Variants in WDR25 observed in about 807,000 individuals in gnomAD.
WDR25 encodes the protein WD repeat domain 25.
WDR25 carries 35 observed loss-of-function variants against 47.7 expected under a neutral mutation model. The ratio of observed to expected loss-of-function variants is 0.73; its 90% CI spans 0.56 to 0.97. WDR25 has a LOEUF of 0.97. Among genes scored for constraint, WDR25 ranks in the 50% least tolerant of loss-of-function variants. The pLI is 0.00. For missense variants in WDR25, 634 were observed against 704.7 expected, an observed-to-expected ratio of 0.90 and a Z score of 1.14; for synonymous variants, 248 against 278.9, an observed-to-expected ratio of 0.89 and a Z score of 1.10.
At position 100,448,515 on chromosome 14, in the gene WDR25, A is replaced by T. The variant is rs538005849; in HGVS notation, c.823-19506A>T. Reference sequence around the variant, plus strand: ...GGGCCTGCTAACTTGCTTGTCCTGTAACCTTGGGCAACTTCCTTCCTACTG... The same window carrying T: ...GGGCCTGCTAACTTGCTTGTCCTGTTACCTTGGGCAACTTCCTTCCTACTG... On this transcript the variant is annotated intron_variant, in intron 2 of 6. Transcript: ENST00000402312. Among the ~76,000 whole-genome samples the T allele has an allele frequency of 2.5e-4, 38 of 152,190 alleles. No individual in the cohort carries two copies. In the South Asian group the frequency reaches 5.8e-3, roughly 23 times the overall value.
rs146744962 is a variant in WDR25 at position 100,500,760 on chromosome 14, G to T, written c.1101+16636G>T. Among the ~76,000 whole-genome samples the T allele has an allele frequency of 6.6e-6, 1 of 152,302 alleles. No individual in the cohort carries two copies. The highest frequency in any genetic ancestry group is 2.4e-5 in the African/African-American group (1 of 41,574). ...GCTGCAGGTGGTACTGCGAGGCAGG[G>T]GCCTGGGCTTTTCAGAGTTGGGCTG... On this transcript the variant is annotated intron_variant, in intron 4 of 6. Coordinates refer to ENST00000402312, the MANE Select transcript of WDR25 (RefSeq NM_001161476.3). This position sits in a 1 kb window ranked among gnomAD's most constrained non-coding sequence, Gnocchi z 4.7.
intron 4 of WDR25, among the ~76,000 whole-genome samples, chr14:100,518,174 A>G (rs919611395): frequency 6.6e-6 from 1 of 152,200 alleles, no homozygotes; most frequent in African/African-American, 2.4e-5. Context: ...AGGTCTGTTC[A>G]TGACAAATTC....
At position 100,382,169 on chromosome 14, in the gene WDR25, C is replaced by T. The variant is rs1026679990; in HGVS notation, c.822+423C>T. On this transcript the variant is annotated intron_variant, in intron 2 of 6. Coordinates refer to ENST00000402312, the MANE Select transcript of WDR25 (RefSeq NM_001161476.3). ...TGGGAGAGGTAGGTAGACCCAGCCC[C>T]TGGTGTCAGGGCTTGCACAGTGAGG... 7.1e-6 allele frequency: 5 copies of T among 702,828 alleles called. No individual in the cohort carries two copies. In the East Asian group the frequency reaches 1.1e-4, roughly 15 times the overall value. 43.5% of individuals were successfully genotyped at this position (702,828 alleles called of 1,614,324 possible). A position where few individuals can be genotyped will look rare whatever the true frequency, so the allele number is the denominator to read the frequency against.
intron 4 of WDR25, among the ~76,000 whole-genome samples, chr14:100,521,999 G>A (rs943224329): frequency 6.6e-5 from 10 of 152,136 alleles, no homozygotes; most frequent in African/African-American, 1.9e-4. Context: ...ATTTAAATTT[G>A]CATTGCTTTT....
At chr14:100,464,309 G>C (rs1200699965) in intron 2 of WDR25, among the ~76,000 whole-genome samples, 1 of 152,058 alleles carries the variant, frequency 6.6e-6, no homozygotes, top group Non-Finnish European at 1.5e-5. Context: ...GTCCTCCCTG[G>C]CCACCATTTC....
At chr14:100,431,808 C>T (rs1204850229) in intron 2 of WDR25, among the ~76,000 whole-genome samples, 2 of 152,090 alleles carry the variant, frequency 1.3e-5, no homozygotes, top group South Asian at 4.1e-4. Flanking sequence ...CTCCCAAGTT[C>T]AAGTGATTCT....
intron 1 of WDR25, 173 bp downstream of exon 1, chr14:100,376,668 C>T (rs1365972894): frequency 8.1e-7 from 1 of 1,231,538 alleles, no homozygotes; most frequent in Non-Finnish European, 1.0e-6. Context: ...ATTGACAGCT[C>T]AGCTAACTCC....
At chr14:100,398,575 G>C (rs983877796) in intron 2 of WDR25, among the ~76,000 whole-genome samples, 6 of 151,802 alleles carry the variant, frequency 4.0e-5, no homozygotes, top group African/African-American at 1.5e-4. Flanking sequence ...TCTTCGAATG[G>C]TAACATCTTG....
intron 5 of WDR25, among the ~76,000 whole-genome samples, chr14:100,528,829 G>T (rs1194337047): frequency 6.6e-6 from 1 of 152,206 alleles, no homozygotes; most frequent in Non-Finnish European, 1.5e-5. Context: ...AAGAAGTGCG[G>T]CTCCGCCAAC....
chr14:100,518,909 G>A (rs1285353071), intron 4 of WDR25, among the ~76,000 whole-genome samples: 1 of 150,846 alleles, frequency 6.6e-6, no homozygotes, highest in African/African-American at 2.4e-5. Context: ...AAAAAAAAAA[G>A]GACTCTGTTG....
intron 2 of WDR25, among the ~76,000 whole-genome samples, chr14:100,394,136 G>A (rs1350101540): frequency 2.0e-5 from 3 of 152,228 alleles, no homozygotes; most frequent in Non-Finnish European, 2.9e-5. Context: ...CTCCTAAGCC[G>A]TGTTCCTAAG....
intron 2 of WDR25, among the ~76,000 whole-genome samples, chr14:100,421,842 A>G (rs955718810): frequency 1.3e-5 from 2 of 152,218 alleles, no homozygotes; most frequent in African/African-American, 4.8e-5. Context: ...AACAGTCAAC[A>G]TTATGTTTTC....
chr14:100,376,567 G>C (rs1177696518), intron 1 of WDR25, 72 bp downstream of exon 1: 39 of 1,231,752 alleles, frequency 3.2e-5, no homozygotes, highest in Admixed American at 1.7e-4. Context: ...GCCCCGTGCC[G>C]CTTAACGCGG....
At chr14:100,388,738 A>C (rs1897073612) in intron 2 of WDR25, among the ~76,000 whole-genome samples, 1 of 152,238 alleles carries the variant, frequency 6.6e-6, no homozygotes, top group South Asian at 2.1e-4. Flanking sequence ...AGGAATAAGA[A>C]AAGGAAAGTG....
intron 2 of WDR25, among the ~76,000 whole-genome samples, chr14:100,457,067 T>C (rs1466456937): frequency 2.0e-5 from 3 of 152,092 alleles, no homozygotes; most frequent in Admixed American, 1.3e-4. Context: ...AAGCGAATCT[T>C]CTGCCTAAGC....
intron 2 of WDR25, among the ~76,000 whole-genome samples, chr14:100,457,270 C>G (rs1231472271): frequency 6.6e-6 from 1 of 152,162 alleles, no homozygotes; most frequent in Non-Finnish European, 1.5e-5. Flanking sequence ...TTTCTTATAA[C>G]TACTGTTAAG....
At chr14:100,490,334 A>T (rs1900522003) in intron 4 of WDR25, among the ~76,000 whole-genome samples, 1 of 152,242 alleles carries the variant, frequency 6.6e-6, no homozygotes, top group African/African-American at 2.4e-5. Flanking sequence ...TGAATGACTG[A>T]TAGCTCTAAT....
intron 2 of WDR25, among the ~76,000 whole-genome samples, chr14:100,443,938 C>T (rs1334346650): frequency 6.6e-6 from 1 of 152,168 alleles, no homozygotes; most frequent in Non-Finnish European, 1.5e-5. Context: ...GGAGATACCA[C>T]CTTCTCTGTT....
chr14:100,480,548 TA>T (rs1175726591), intron 3 of WDR25, among the ~76,000 whole-genome samples: 1 of 151,508 alleles, frequency 6.6e-6, no homozygotes, highest in Non-Finnish European at 1.5e-5. Flanking sequence ...AACTACTTTC[TA>T]AAAAATTTCT....
Sources: gnomAD v4.1 joint callset for allele counts (sites outside exome capture counted in the v4.1 genomes callset) on GRCh38, gnomAD v4.1.1 for gene constraint, Gnocchi (gnomAD v3.1) non-coding constraint, MANE v1.5 for transcripts, NCBI Gene and HGNC (gene_info 2026-07-23, HGNC 2026-07-21) for gene names.